The following BPIFB6 variants were observed in gnomAD, a reference collection of about 807,000 sequenced individuals.
BPIFB6 encodes the protein BPI fold containing family B member 6, also known as BPI fold-containing family B member 6.
Under a neutral mutation model 54.7 loss-of-function variants are expected in BPIFB6, and 47 were observed. The observed-to-expected ratio is 0.86, with a 90% CI of 0.68 to 1.10. BPIFB6 has a LOEUF of 1.10. Among genes scored for constraint, BPIFB6 ranks in the 50% least tolerant of loss-of-function variants. The probability of loss-of-function intolerance (pLI) is 0.00; values close to 1 mark genes in which losing one functional copy is unlikely to be tolerated. For synonymous variants in BPIFB6, 255 were observed against 225.9 expected, an observed-to-expected ratio of 1.13 and a Z score of -1.16; for missense variants, 603 against 564.1, an observed-to-expected ratio of 1.07 and a Z score of -0.70.
chr20:33,032,023 C>A (rs1292189751), intron 1 of BPIFB6, among the ~76,000 whole-genome samples: 1 of 152,134 alleles, frequency 6.6e-6, no homozygotes, highest in East Asian at 1.9e-4. Flanking sequence ...GGGTTTTAGC[C>A]ACAAGTGGGC....
chr20:33,038,974 A>G lies in BPIFB6; in HGVS notation c.900+12A>G, dbSNP rs200057291. 2.6e-5 allele frequency: 42 copies of G among 1,612,666 alleles called. No individual in the cohort carries two copies. In the African/African-American group the frequency reaches 4.3e-4, roughly 16 times the overall value. On this transcript the variant is annotated intron_variant, in intron 9 of 14. Coordinates refer to ENST00000349552, the MANE Select transcript of BPIFB6 (RefSeq NM_174897.2). ...GCTTCATTCCTGAAGTGAGTGCCCC[A>G]CCTCCCCATCACCACTGCACCCTGT... is the stretch of plus-strand genomic sequence containing the variant.
At chr20:33,033,870 C>G (rs1979208860) in intron 2 of BPIFB6, among the ~76,000 whole-genome samples, 1 of 152,100 alleles carries the variant, frequency 6.6e-6, no homozygotes, top group African/African-American at 2.4e-5. Context: ...TTTGAGAAAC[C>G]CTGATCTAAG....
intron 8 of BPIFB6, 88 bp from the exon 9 acceptor site, chr20:33,038,820 AG>A: frequency 3.1e-6 from 4 of 1,274,598 alleles, no homozygotes. Context: ...GGAGCCTCAA[AG>A]GGTACACCTT....
chr20:33,042,850 C>G lies in BPIFB6; in HGVS notation c.1224C>G (p.Leu408=). 3.7e-6 allele frequency: 6 copies of G among 1,614,174 alleles called. No individual in the cohort carries two copies. Among genetic ancestry groups the G allele is most frequent in the Non-Finnish European group, 5.1e-6 (6 of 1,180,012 alleles). ...TAACTGGCTTCATCACCAGCTATCT[C>G]GAAGAAGCCTACATCCCAGTTGTCA... ...RELTGFITSY[L]EEAYIPVVND... The change falls in exon 13 of 15, where the codon CTC becomes CTG. Residue 408 remains leucine (L), a synonymous_variant. Transcript: ENST00000349552.
chr20:33,038,350 T>TCCATCCATCCTC (rs1979434099), intron 8 of BPIFB6, among the ~76,000 whole-genome samples: 1 of 152,134 alleles, frequency 6.6e-6, no homozygotes, highest in Admixed American at 6.5e-5. Flanking sequence ...CATGTACCTT[T>TCCATCCATCCTC]CCATCCATCC....
chr20:33,035,140 G>A lies in BPIFB6; in HGVS notation c.512G>A (p.Gly171Glu), dbSNP rs1979282260. The change falls in exon 5 of 15, where the codon GGG becomes GAG. Residue 171 changes from glycine to glutamate, a missense_variant. Transcript: ENST00000349552. ...LDSTLHKVLP[G>E]LMCPAIDAVL... ...AGCACCCTGCACAAAGTCCTCCCTG[G>A]GCTGGTGAGTGACCCAGAGAAAGCC... 6.2e-7 allele frequency: 1 copy of A among 1,613,712 alleles called. No individual in the cohort carries two copies. The highest frequency in any genetic ancestry group is 8.5e-7 in the Non-Finnish European group (1 of 1,179,980).
intron 5 of BPIFB6, among the ~76,000 whole-genome samples, 175 bp from the exon 6 acceptor site, chr20:33,035,437 G>T (rs1160174520): frequency 1.3e-5 from 2 of 152,168 alleles, no homozygotes; most frequent in Non-Finnish European, 1.5e-5. Flanking sequence ...TTGGTCAACA[G>T]ATCTGGACTC....
intron 1 of BPIFB6, among the ~76,000 whole-genome samples, chr20:33,032,664 T>C (rs6059028): frequency 0.83 from 126,870 of 152,192 alleles, 53,464 homozygotes; most frequent in East Asian, 0.98. Context: ...GTGCCCTCTG[T>C]CCAGACTGAT....
At chr20:33,033,715 T>C (rs1979202111) in intron 2 of BPIFB6, 2 of 448,378 alleles carry the variant, frequency 4.5e-6, no homozygotes, top group African/African-American at 4.0e-5. Context: ...CCAGGGACAT[T>C]TTTCATTGTC....
intron 8 of BPIFB6, among the ~76,000 whole-genome samples, chr20:33,038,430 C>T (rs1278376259): frequency 1.3e-5 from 2 of 152,138 alleles, no homozygotes; most frequent in African/African-American, 4.8e-5. Context: ...TTCCCATCCA[C>T]TCATCCTCCT....
At chr20:33,039,051 T>G in intron 9 of BPIFB6, 89 bp downstream of exon 9, 1 of 1,403,632 alleles carries the variant, frequency 7.1e-7, no homozygotes, top group Non-Finnish European at 1.0e-6. Context: ...GGAGACAGCT[T>G]TTCATGCCAC....
At chr20:33,033,518 C>T in intron 2 of BPIFB6, 2 of 454,936 alleles carry the variant, frequency 4.4e-6, no homozygotes, top group Non-Finnish European at 4.4e-6. Context: ...AAACGATGCA[C>T]TTGGGAGGGC....
chr20:33,035,832 G>A (rs1979316066), intron 6 of BPIFB6, among the ~76,000 whole-genome samples, 160 bp downstream of exon 6: 1 of 152,154 alleles, frequency 6.6e-6, no homozygotes, highest in Non-Finnish European at 1.5e-5. Context: ...CCCGATGGGA[G>A]GCCTGAAGTC....
In BPIFB6 at chr20:33,040,296, C is replaced by T. The variant is rs1979525183; in HGVS notation, c.1120C>T (p.Gln374Ter). 1 of 1,614,004 alleles carries T rather than the reference C, an allele frequency of 6.2e-7. No homozygotes were observed. Among genetic ancestry groups the T allele is most frequent in the African/African-American group, 1.3e-5 (1 of 74,906 alleles). ...GTACTCAGTGCATGAGAACCAGCTGCAGATGGCCACTTCTTTGGACAGGTA... is the reference window on the plus strand; with the variant it reads ...GTACTCAGTGCATGAGAACCAGCTGTAGATGGCCACTTCTTTGGACAGGTA... ...VQYSVHENQL[Q>*]MATSLDRLLS... Residue 374 changes from glutamine (Q) to a stop codon, truncating the protein, a stop_gained, in exon 11 of 15, where the codon CAG becomes TAG. Coordinates refer to ENST00000349552, the MANE Select transcript of BPIFB6 (RefSeq NM_174897.2). LOFTEE classifies it high-confidence loss of function.
In BPIFB6 at chr20:33,039,530, A is replaced by T; in HGVS notation, c.1074+10A>T. On this transcript the variant is annotated intron_variant, in intron 10 of 14. Coordinates refer to ENST00000349552, the MANE Select transcript of BPIFB6 (RefSeq NM_174897.2). ...CTTTCTCCTAGAAGTGGTGAGGGAA[A>T]TCGTTCCCTTCCCCATTTATTCCCA... The T allele has an allele frequency of 6.3e-7, 1 of 1,595,054 alleles. No homozygotes were observed. Among genetic ancestry groups the T allele is most frequent in the Admixed American group, 1.8e-5 (1 of 56,536 alleles).
At chr20:33,039,988 T>C (rs1979509023) in intron 10 of BPIFB6, among the ~76,000 whole-genome samples, 1 of 152,128 alleles carries the variant, frequency 6.6e-6, no homozygotes, top group Non-Finnish European at 1.5e-5. Flanking sequence ...CCTGGATCAA[T>C]AGTATGATGT....
intron 12 of BPIFB6, 75 bp downstream of exon 12, chr20:33,042,090 C>A: frequency 1.4e-6 from 2 of 1,479,856 alleles, no homozygotes; most frequent in Non-Finnish European, 1.9e-6. Context: ...AACTACAGGG[C>A]CGAGGCCCTG....
In BPIFB6 at chr20:33,034,782, G is replaced by T. The variant is rs764973916; in HGVS notation, c.322G>T (p.Glu108Ter). ...CTCCAGCTTCATGGGAGGGAACATG[G>T]AGATCATCGTGGCCCTGAACATCAC... ...TGKSFMGGNM[E>*]IIVALNITAT... Residue 108 changes from glutamate (E) to a stop codon, truncating the protein, a stop_gained, in exon 4 of 15, where the codon GAG becomes TAG. Transcript: ENST00000349552. LOFTEE classifies it high-confidence loss of function. The T allele has an allele frequency of 1.9e-6, 3 of 1,611,696 alleles. No homozygotes were observed. The East Asian group carries it at 6.7e-5, about 36-fold the overall frequency.
rs1421244446 is a variant in BPIFB6, at chr20:33,039,451, C to T, written c.1005C>T (p.His335=). The change falls in exon 10 of 15, where the codon CAC becomes CAT. Residue 335 remains histidine, a synonymous_variant. Coordinates refer to ENST00000349552, the MANE Select transcript of BPIFB6 (RefSeq NM_174897.2). ...MKTGKSLLHL[H]STLEMFAARW... ...CAGGCAAGAGCCTGCTGCACCTCCA[C>T]AGCACCCTGGAGATGTTCGCAGCTC... The T allele has an allele frequency of 3.1e-6, 5 of 1,614,092 alleles. No homozygotes were observed. The African/African-American group carries it at 4.0e-5, about 13-fold the overall frequency.
Sources: allele counts gnomAD v4.1 joint callset (sites outside exome capture counted in the v4.1 genomes callset), GRCh38; gene constraint gnomAD v4.1.1; transcripts MANE v1.5; gene names NCBI Gene and HGNC (gene_info 2026-07-23, HGNC 2026-07-21).